Variants in BPIFA2 observed in about 807,000 individuals in gnomAD.
The protein encoded by BPIFA2 is BPI fold-containing family A member 2.
A neutral mutation model predicts 25.7 loss-of-function variants in BPIFA2; 20 were observed. The observed-to-expected ratio is 0.78, with a 90% CI of 0.55 to 1.13. The LOEUF is 1.13. Among genes scored for constraint, BPIFA2 ranks in the 50% most tolerant of loss-of-function variants. The pLI is 0.00. For synonymous variants in BPIFA2, 126 were observed against 124.3 expected, an observed-to-expected ratio of 1.01 and a Z score of -0.09; for missense variants, 300 against 298.1, an observed-to-expected ratio of 1.01 and a Z score of -0.05.
chr20:33,164,725 T>C (rs1983676752), upstream of BPIFA2, among the ~76,000 whole-genome samples: 1 of 148,418 alleles, frequency 6.7e-6, no homozygotes, highest in African/African-American at 2.6e-5. Context: ...ACAAACATCA[T>C]TTGACTCCTG....
At chr20:33,173,105 T>G in intron 3 of BPIFA2, 29 bp downstream of exon 3, 1 of 1,607,500 alleles carries the variant, frequency 6.2e-7, no homozygotes, top group Non-Finnish European at 8.5e-7. Context: ...GTGGAGATCT[T>G]TGCTCTAAGG....
At chr20:33,165,462 G>C (rs73268243), upstream of BPIFA2, among the ~76,000 whole-genome samples, 2,175 of 152,342 alleles carry the variant, frequency 0.014, 46 homozygotes, top group African/African-American at 0.049. Context: ...AGGTCAGTGG[G>C]CAGTCTGGTC....
intron 2 of BPIFA2, among the ~76,000 whole-genome samples, chr20:33,171,371 T>C (rs1983892508): frequency 6.6e-6 from 1 of 152,022 alleles, no homozygotes; most frequent in Non-Finnish European, 1.5e-5. Context: ...TCCGTGAGCA[T>C]GGAAAATTAA....
At chr20:33,165,633 A>G (rs1479071108), upstream of BPIFA2, among the ~76,000 whole-genome samples, 1 of 152,258 alleles carries the variant, frequency 6.6e-6, no homozygotes, top group Non-Finnish European at 1.5e-5. Flanking sequence ...AGGCTGGGCC[A>G]GTGGGATCAG....
chr20:33,167,173 G>GC (rs1983750981), upstream of BPIFA2, among the ~76,000 whole-genome samples: 1 of 152,128 alleles, frequency 6.6e-6, no homozygotes, highest in Non-Finnish European at 1.5e-5. Flanking sequence ...TTGAGGACAG[G>GC]CCCCCCAGGT....
In BPIFA2 at chr20:33,175,518, C is replaced by T. The variant is rs558435466; in HGVS notation, c.522C>T (p.Cys174=). Residue 174 remains cysteine (C), a synonymous_variant, in exon 5 of 9, where the codon TGC becomes TGT. Coordinates refer to ENST00000354932, the MANE Select transcript of BPIFA2 (RefSeq NM_080574.4). ...THQPVAVLGE[C]ASDPTSISLS... ...AGCCTGTTGCCGTCCTGGGAGAATG[C>T]GCCAGTGACCCAACCAGCATCTCAC... 27 of 1,614,076 alleles carry T rather than the reference C, an allele frequency of 1.7e-5. No homozygotes were observed. The highest frequency in any genetic ancestry group is 3.3e-5 in the Admixed American group (2 of 60,020).
intron 5 of BPIFA2, 47 bp from the exon 6 acceptor site, chr20:33,178,100 T>C (rs1386982362): frequency 6.8e-7 from 1 of 1,469,264 alleles, no homozygotes; most frequent in Non-Finnish European, 9.4e-7. Context: ...AGTTCTCCCA[T>C]CTCTTGCCCA....
At chr20:33,170,836 T>C (rs1464640818) in intron 2 of BPIFA2, among the ~76,000 whole-genome samples, 1 of 152,234 alleles carries the variant, frequency 6.6e-6, no homozygotes, top group Non-Finnish European at 1.5e-5. Flanking sequence ...ATGTCCTGAA[T>C]GGTATTGCCC....
rs563677217 is a variant in BPIFA2, at chr20:33,175,151, T to A, written c.411-256T>A. ...CACATAAATTGTTGTCAATAAATGTTAACTATTATTATTTTACTTATTAGT... is the reference window on the plus strand; with the variant it reads ...CACATAAATTGTTGTCAATAAATGTAAACTATTATTATTTTACTTATTAGT... On this transcript the variant is annotated intron_variant, in intron 4 of 8. Transcript: ENST00000354932. Among the ~76,000 whole-genome samples, 4 of 152,306 alleles carry A rather than the reference T, an allele frequency of 2.6e-5. No homozygotes were observed. The East Asian group carries it at 7.7e-4, about 29-fold the overall frequency.
intron 7 of BPIFA2, 69 bp from the exon 8 acceptor site, chr20:33,180,451 T>C: frequency 2.0e-6 from 3 of 1,532,642 alleles, no homozygotes; most frequent in Non-Finnish European, 2.7e-6. Context: ...AGCGGCATCT[T>C]TTGGAGTCTG....
chr20:33,175,599 A>T (rs753008501), intron 5 of BPIFA2, 40 bp downstream of exon 5: 1 of 1,600,484 alleles, frequency 6.2e-7, no homozygotes, highest in Non-Finnish European at 8.5e-7. Flanking sequence ...GCTCTCAGGG[A>T]ACTTGAGGAC....
chr20:33,165,154 G>A (rs1372058990), upstream of BPIFA2, among the ~76,000 whole-genome samples: 1 of 152,226 alleles, frequency 6.6e-6, no homozygotes, highest in Non-Finnish European at 1.5e-5. Context: ...TTTATTAATT[G>A]CTCTATTTAG....
intron 2 of BPIFA2, among the ~76,000 whole-genome samples, chr20:33,169,510 G>A (rs1983832259): frequency 1.3e-5 from 2 of 152,154 alleles, no homozygotes; most frequent in African/African-American, 2.4e-5. Flanking sequence ...CCTGATAAAC[G>A]TGCATAAGAT....
chr20:33,178,158 T>C lies in BPIFA2; in HGVS notation c.575T>C (p.Ile192Thr), dbSNP rs765909063. 5 of 1,604,408 alleles carry C rather than the reference T, an allele frequency of 3.1e-6. No homozygotes were observed. The highest frequency in any genetic ancestry group is 4.3e-6 in the Non-Finnish European group (5 of 1,172,910). The change falls in exon 6 of 9, where the codon ATC (isoleucine) becomes ACC (threonine). Residue 192 changes from isoleucine to threonine, a missense_variant. Transcript: ENST00000354932. ...CCTGTGTTTTCCAGACACAGCCAAA[T>C]CATCAACAAGTTCGTGAATAGCGTG... ...SLSLLDKHSQ[I>T]INKFVNSVIN...
rs1075436 is a variant in BPIFA2 at position 33,179,702 on chromosome 20, A to G, written c.709+35A>G. ...TGGGGAAGTGGGGACCTTCTGAGGC[A>G]GGCATGGAGCTCTGTGCCCACCCCA... On this transcript the variant is annotated intron_variant, in intron 7 of 8. Transcript: ENST00000354932. The G allele has an allele frequency of 0.018, 28,421 of 1,563,584 alleles. 3,702 individuals are homozygous for G. In the African/African-American group the frequency reaches 0.31, roughly 17 times the overall value.
At chr20:33,167,782 G>A (rs1314243945), upstream of BPIFA2, among the ~76,000 whole-genome samples, 11 of 152,308 alleles carry the variant, frequency 7.2e-5, no homozygotes, top group Non-Finnish European at 4.4e-5. Context: ...CCCTCTCTGA[G>A]CCTCAGTTTC....
At chr20:33,163,977 T>C (rs1814256879), upstream of BPIFA2, among the ~76,000 whole-genome samples, 1 of 152,052 alleles carries the variant, frequency 6.6e-6, no homozygotes. Context: ...AATAAGACAG[T>C]CCCTGCCTCT....
chr20:33,166,686 A>G (rs753913382), upstream of BPIFA2, among the ~76,000 whole-genome samples: 1 of 152,072 alleles, frequency 6.6e-6, no homozygotes. Context: ...CTGCCCTCAA[A>G]GCCCCTCACC....
At chr20:33,167,907 C>A (rs1041592855), upstream of BPIFA2, among the ~76,000 whole-genome samples, 2 of 152,242 alleles carry the variant, frequency 1.3e-5, no homozygotes, top group African/African-American at 4.8e-5. Context: ...CCAAGGACCA[C>A]CCCCTCGGTA....
Sources: gnomAD v4.1 joint callset for allele counts (sites outside exome capture counted in the v4.1 genomes callset) on GRCh38, gnomAD v4.1.1 for gene constraint, MANE v1.5 for transcripts, NCBI Gene and HGNC (gene_info 2026-07-23, HGNC 2026-07-21) for gene names.